LIPN: variants seen among roughly 807,000 people sequenced by gnomAD.
LIPN encodes the protein lipase family member N.
In LIPN, 32 loss-of-function variants were observed where a neutral mutation model predicts 43.7. That is an observed-to-expected ratio of 0.73 (90% CI 0.55 to 0.98). LIPN has a LOEUF of 0.98. Ranked by LOEUF, LIPN falls within the 50% of genes least tolerant of loss-of-function variation. The pLI is 0.00. For synonymous variants in LIPN, 156 were observed against 157.6 expected (o/e 0.99, Z 0.08); for missense variants, 505 against 483.8 (o/e 1.04, Z -0.41).
rs1843335033 is a variant in LIPN, at chr10:88,778,448, G to A, written c.*206G>A. On this transcript the variant is annotated 3_prime_UTR_variant, in exon 10 of 10. Transcript: ENST00000404459. ...ATCTACAGGTCCTTATAAACAATGA[G>A]GTAGATTAGGCAAAAAGATAAACAA... Among the ~76,000 whole-genome samples, 1 of 151,970 alleles carries A rather than the reference G, an allele frequency of 6.6e-6. No individual in the cohort carries two copies. Among genetic ancestry groups the A allele is most frequent in the Non-Finnish European group, 1.5e-5 (1 of 68,006 alleles).
At chr10:88,774,626 C>A in intron 8 of LIPN, 82 bp downstream of exon 8, 1 of 1,135,748 alleles carries the variant, frequency 8.8e-7, no homozygotes, top group Non-Finnish European at 1.3e-6. Flanking sequence ...GTTAACAGGC[C>A]TACCCTAAGA....
rs575568286 is a variant in LIPN, at chr10:88,770,821, G to T, written c.673-24G>T. On this transcript the variant is annotated intron_variant, in intron 6 of 9. Transcript: ENST00000404459. ...CTGCAAATATTTTATCTCATTCAAAGATAATTATTATTTACTTTCATAGGC... is the reference window on the plus strand; with the variant it reads ...CTGCAAATATTTTATCTCATTCAAATATAATTATTATTTACTTTCATAGGC... 68 of 1,369,542 alleles carry T rather than the reference G, an allele frequency of 5.0e-5. No individual in the cohort carries two copies. The South Asian group carries it at 8.4e-4, about 17-fold the overall frequency. The allele number at this position is 1,369,542 out of a possible 1,614,324, so 84.8% of individuals were successfully genotyped here. A position where few individuals can be genotyped will look rare whatever the true frequency, so the allele number is the denominator to read the frequency against.
intron 7 of LIPN, among the ~76,000 whole-genome samples, chr10:88,773,582 G>C (rs1246362353): frequency 6.6e-6 from 1 of 151,740 alleles, no homozygotes; most frequent in Non-Finnish European, 1.5e-5. Context: ...CTGTTATTGA[G>C]AATTCAAGAA....
intron 7 of LIPN, among the ~76,000 whole-genome samples, chr10:88,772,908 C>A (rs1843235044): frequency 6.7e-6 from 1 of 148,436 alleles, no homozygotes; most frequent in Non-Finnish European, 1.5e-5. Context: ...ATAATAGCTA[C>A]AAATAAAATA....
upstream of LIPN, among the ~76,000 whole-genome samples, chr10:88,759,405 C>T (rs1288314860): frequency 1.3e-5 from 2 of 152,142 alleles, no homozygotes; most frequent in African/African-American, 4.8e-5. Flanking sequence ...TATCTGGTAT[C>T]TCATGTGGGG....
At position 88,766,303 on chromosome 10, in the gene LIPN, G is replaced by A. The variant is rs1554828223; in HGVS notation, c.460G>A (p.Val154Ile). The change falls in exon 5 of 10, where the codon GTA (valine) becomes ATA (isoleucine). Residue 154 changes from valine (V) to isoleucine (I), a missense_variant. By Grantham distance (29) the Val-to-Ile change is conservative. Coordinates refer to ENST00000404459, the MANE Select transcript of LIPN (RefSeq NM_001102469.2). ...DEMAKYDLPG[V>I]IDFIVNKTGQ... Reference sequence around the variant, plus strand: ...AATGGCCAAATATGATCTCCCAGGAGTAATAGACTTCATTGTAAATAAAAC... The same window carrying A: ...AATGGCCAAATATGATCTCCCAGGAATAATAGACTTCATTGTAAATAAAAC... 1 of 1,608,650 alleles carries A rather than the reference G, an allele frequency of 6.2e-7. No individual in the cohort carries two copies. Among genetic ancestry groups the A allele is most frequent in the South Asian group, 1.1e-5 (1 of 90,900 alleles).
At chr10:88,766,230 C>T (rs768276131) in intron 4 of LIPN, 39 bp from the exon 5 acceptor site, 5 of 988,708 alleles carry the variant, frequency 5.1e-6, no homozygotes, top group Admixed American at 3.7e-5. Context: ...TAAACTTAAA[C>T]TTGCAAGTAT....
intron 5 of LIPN, among the ~76,000 whole-genome samples, chr10:88,767,932 T>C (rs1843134781): frequency 6.6e-6 from 1 of 151,258 alleles, no homozygotes; most frequent in Non-Finnish European, 1.5e-5. Flanking sequence ...TGATTCAGAG[T>C]CTTTTTATCA....
At position 88,768,830 on chromosome 10, in the gene LIPN, A is replaced by G. The variant is rs370647314; in HGVS notation, c.574A>G (p.Arg192Gly). 4.3e-6 allele frequency: 7 copies of G among 1,611,494 alleles called. No homozygotes were observed. The African/African-American group carries it at 8.0e-5, about 18-fold the overall frequency. The part of the protein sequence containing the change: ...AFSTMPELAQ[R>G]IKMNFALGPT... ...TTCCACCATGCCTGAACTGGCACAAAGAATCAAAATGAATTTTGCCTTGGG... is the reference window on the plus strand; with the variant it reads ...TTCCACCATGCCTGAACTGGCACAAGGAATCAAAATGAATTTTGCCTTGGG... Residue 192 changes from arginine to glycine, a missense_variant, in exon 6 of 10, where the codon AGA becomes GGA. Coordinates refer to ENST00000404459, the MANE Select transcript of LIPN (RefSeq NM_001102469.2).
rs1392456260 is a variant in LIPN, at chr10:88,763,888, G to A, written c.227-522G>A. 2.0e-5 allele frequency among the ~76,000 whole-genome samples: 3 copies of A among 151,958 alleles called. 1 individual carries two copies. The South Asian group carries it at 6.2e-4, about 31-fold the overall frequency. On this transcript the variant is annotated intron_variant, in intron 3 of 9. Coordinates refer to ENST00000404459, the MANE Select transcript of LIPN (RefSeq NM_001102469.2). Reference sequence around the variant, plus strand: ...TACACTCACCTCCTCTTCCTCCCTGGAAGAGCTATAGGACTTGAGTAAGCA... The same window carrying A: ...TACACTCACCTCCTCTTCCTCCCTGAAAGAGCTATAGGACTTGAGTAAGCA...
rs534007703 is a variant in LIPN at position 88,771,555 on chromosome 10, G to C, written c.819+564G>C. Among the ~76,000 whole-genome samples the C allele has an allele frequency of 8.6e-5, 13 of 151,730 alleles. 1 individual carries two copies. In the South Asian group the frequency reaches 2.7e-3, roughly 31 times the overall value. On this transcript the variant is annotated intron_variant, in intron 7 of 9. Transcript: ENST00000404459. ...CCTGGCTTATTTCACTTAATGTAAT[G>C]TTCTCTAATTTCATCCACATTATTG...
chr10:88,759,063 C>T (rs1480870920), upstream of LIPN, among the ~76,000 whole-genome samples: 1 of 152,128 alleles, frequency 6.6e-6, no homozygotes, highest in Non-Finnish European at 1.5e-5. Context: ...TTGAGTCTTT[C>T]ATCAAGACTA....
rs303486 is a variant in LIPN at position 88,778,704 on chromosome 10, T to C, written c.*462T>C. 0.19 allele frequency among the ~76,000 whole-genome samples: 28,266 copies of C among 152,140 alleles called. 2,671 individuals carry two copies. The highest frequency in any genetic ancestry group is 0.21 in the Non-Finnish European group (13,974 of 67,968). ...AAAAGTTTCTTAGCTATCCTGAAGA[T>C]GTATAGACATTTTTACTTTTTTAGG... is the stretch of plus-strand genomic sequence containing the variant. On this transcript the variant is annotated 3_prime_UTR_variant, in exon 10 of 10. Coordinates refer to ENST00000404459, the MANE Select transcript of LIPN (RefSeq NM_001102469.2).
At position 88,776,336 on chromosome 10, in the gene LIPN, T is replaced by A. The variant is rs553237863; in HGVS notation, c.963+1173T>A. Among the ~76,000 whole-genome samples the A allele has an allele frequency of 2.6e-5, 4 of 152,216 alleles. No homozygotes were observed. In the South Asian group the frequency reaches 8.3e-4, roughly 32 times the overall value. ...ATTTTGGACTTTACATATGTCTGTT[T>A]TCTTCCATTATTTTGAATAAACATG... On this transcript the variant is annotated intron_variant, in intron 9 of 9. Transcript: ENST00000404459.
At chr10:88,773,190 A>G (rs1340464673) in intron 7 of LIPN, among the ~76,000 whole-genome samples, 1 of 151,852 alleles carries the variant, frequency 6.6e-6, no homozygotes, top group Non-Finnish European at 1.5e-5. Flanking sequence ...GATGTCTGCT[A>G]TACATAGAAG....
At chr10:88,775,215 A>G in intron 9 of LIPN, 52 bp downstream of exon 9, 1 of 1,316,970 alleles carries the variant, frequency 7.6e-7, no homozygotes, top group South Asian at 1.4e-5. Flanking sequence ...ATTATAATAA[A>G]AAATTATTTG....
At chr10:88,775,820 A>G (rs1441903927) in intron 9 of LIPN, among the ~76,000 whole-genome samples, 2 of 151,994 alleles carry the variant, frequency 1.3e-5, no homozygotes, top group Admixed American at 6.6e-5. Context: ...AAATTGTTTT[A>G]AGTATTTTCC....
chr10:88,772,780 T>C (rs1590181606), intron 7 of LIPN, among the ~76,000 whole-genome samples: 3 of 151,456 alleles, frequency 2.0e-5, no homozygotes, highest in South Asian at 4.2e-4. Context: ...GATAAACAAA[T>C]TCATTAAATT....
chr10:88,777,996 T>TTC lies in LIPN; in HGVS notation c.964-8_964-7dup. ...GCTTCCTCTCATGAATGCCCTTGCT[T>TTC]TCTCTCCCACAGAGTCATCCCCCTA... On this transcript the variant is annotated splice_polypyrimidine_tract_variant and intron_variant, in intron 9 of 9. Coordinates refer to ENST00000404459, the MANE Select transcript of LIPN (RefSeq NM_001102469.2). 1 of 1,569,382 alleles carries TTC rather than the reference T, an allele frequency of 6.4e-7. No homozygotes were observed.
Sources: gnomAD v4.1 joint callset for allele counts (sites outside exome capture counted in the v4.1 genomes callset) on GRCh38, gnomAD v4.1.1 for gene constraint, MANE v1.5 for transcripts, NCBI Gene and HGNC (gene_info 2026-07-23, HGNC 2026-07-21) for gene names.